Variants in LRP2 observed in about 807,000 individuals in gnomAD.
LRP2 encodes LDL receptor related protein 2.
LRP2 carries 172 observed loss-of-function variants against 531.0 expected under a neutral mutation model. That is an observed-to-expected ratio of 0.32 (90% CI 0.29 to 0.37). The LOEUF (loss-of-function observed/expected upper bound fraction) is 0.37, where lower values mean the gene tolerates loss of function less well. LRP2 is among the 10% of genes least tolerant of loss of function. LRP2 has a pLI of 1.00. For missense variants in LRP2, 5,167 were observed against 5,868.3 expected, an observed-to-expected ratio of 0.88 and a Z score of 3.90; for synonymous variants, 1,992 against 2,027.6, an observed-to-expected ratio of 0.98 and a Z score of 0.47.
At chr2:169,270,066 A>G (rs1683361680) in intron 16 of LRP2, among the ~76,000 whole-genome samples, 1 of 152,236 alleles carries the variant, frequency 6.6e-6, no homozygotes, top group South Asian at 2.1e-4. Context: ...ATACCATCTC[A>G]CACCAGTTAG....
Position 169,237,213 on chromosome 2 carries a change from G to A in LRP2, c.4581C>T (p.Asp1527=), listed in dbSNP as rs754589170. The A allele has an allele frequency of 6.2e-7, 1 of 1,613,678 alleles. No homozygotes were observed. Among genetic ancestry groups the A allele is most frequent in the African/African-American group, 1.3e-5 (1 of 74,906 alleles). The change falls in exon 28 of 79, where the codon GAC becomes GAT. Residue 1527 remains aspartate (D), a synonymous_variant. Transcript: ENST00000649046. ...DWVGRNLYWT[D]YALETIEVSK... ...AGACTTCAATTGTTTCCAGAGCATA[G>A]TCTGTCCAGTAAAGATTACGACCTA... is the stretch of plus-strand genomic sequence containing the variant.
At chr2:169,306,262 A>G (rs1024481379) in intron 4 of LRP2, among the ~76,000 whole-genome samples, 4 of 152,126 alleles carry the variant, frequency 2.6e-5, no homozygotes, top group African/African-American at 9.7e-5. Context: ...GGCCAGACAC[A>G]GTGGCTCATG....
intron 4 of LRP2, among the ~76,000 whole-genome samples, chr2:169,303,065 C>T (rs551354905): frequency 8.6e-5 from 13 of 151,750 alleles, no homozygotes; most frequent in Admixed American, 7.2e-4. Context: ...AGAAATACTT[C>T]AAAATAATGG....
Position 169,246,780 on chromosome 2 carries a change from C to T in LRP2, c.3115G>A (p.Val1039Met), listed in dbSNP as rs370759024. ...CCATCACAGAGATAGTAATTGGGCA[C>T]ACATCTGCCATTTTTACAGGGGAAG... is the stretch of plus-strand genomic sequence containing the variant. ...FSFPCKNGRC[V>M]PNYYLCDGVD... Residue 1039 changes from valine to methionine, a missense_variant, in exon 21 of 79, where the codon GTG (valine) becomes ATG (methionine). By Grantham distance (21) the Val-to-Met change is conservative. Around this residue, in one of 6 missense-constraint regions of LRP2, gnomAD observed 2,811 missense variants for 3,058.0 expected, o/e 0.92. Transcript: ENST00000649046. 3.7e-6 allele frequency: 6 copies of T among 1,614,042 alleles called. No homozygotes were observed. The African/African-American group carries it at 6.7e-5, about 18-fold the overall frequency.
rs878931235 is a variant in LRP2, at chr2:169,205,645, T to C, written c.7557-8A>G. 3 of 1,610,774 alleles carry C rather than the reference T, an allele frequency of 1.9e-6. No individual in the cohort carries two copies. Among genetic ancestry groups the C allele is most frequent in the African/African-American group, 2.7e-5 (2 of 73,960 alleles). On this transcript the variant is annotated splice_region_variant and splice_polypyrimidine_tract_variant and intron_variant, in intron 40 of 78. Transcript: ENST00000649046. ...TCAGCCCAGTACAGGTACCTAGTCATACAAAAGGAGTCAATAATTAATTCA... is the reference window on the plus strand; with the variant it reads ...TCAGCCCAGTACAGGTACCTAGTCACACAAAAGGAGTCAATAATTAATTCA...
intron 1 of LRP2, among the ~76,000 whole-genome samples, chr2:169,330,164 G>A (rs1179007222): frequency 3.9e-5 from 6 of 152,160 alleles, no homozygotes; most frequent in Admixed American, 2.0e-4. Flanking sequence ...CTTGGGGACC[G>A]CTGCCTTAGG....
intron 65 of LRP2, 98 bp downstream of exon 65, chr2:169,156,176 A>G: frequency 6.5e-7 from 1 of 1,534,924 alleles, no homozygotes; most frequent in Non-Finnish European, 8.9e-7. Flanking sequence ...GAAAGAAAAG[A>G]AAAACTATGA....
rs761258144 is a variant in LRP2, at chr2:169,204,007, C to T, written c.7980G>A (p.Gly2660=). 5 of 1,613,990 alleles carry T rather than the reference C, an allele frequency of 3.1e-6. No homozygotes were observed. In the African/African-American group the frequency reaches 6.7e-5, roughly 22 times the overall value. Residue 2660 remains glycine (G), a synonymous_variant, in exon 42 of 79, where the codon GGG becomes GGA. Coordinates refer to ENST00000649046, the MANE Select transcript of LRP2 (RefSeq NM_004525.3). The part of the protein sequence containing the change: ...QCNNPCEQFN[G]GCSHICAPGP... ...CTGGTGCACAGATATGGCTGCAGCC[C>T]CCATTAAACTGTTCACAAGGATTGT...
Position 169,201,696 on chromosome 2 carries a change from G to A in LRP2, c.8384C>T (p.Pro2795Leu). 6.2e-7 allele frequency: 1 copy of A among 1,614,144 alleles called. No homozygotes were observed. Among genetic ancestry groups the A allele is most frequent in the Non-Finnish European group, 8.5e-7 (1 of 1,180,024 alleles). ...EFMCNNRRCI[P>L]REFICNGVDN... ...TACACCATTGCAGATAAACTCACGA[G>A]GTATGCACCTTCTGTTATTGCACAT... Residue 2795 changes from proline to leucine, a missense_variant, in exon 44 of 79, where the codon CCT becomes CTT. Transcript: ENST00000649046.
intron 3 of LRP2, among the ~76,000 whole-genome samples, chr2:169,309,704 T>G (rs932442584): frequency 6.6e-6 from 1 of 152,104 alleles, no homozygotes; most frequent in African/African-American, 2.4e-5. Context: ...CTTGGCAATG[T>G]GGGCTCTTTT....
Position 169,181,478 on chromosome 2 carries a change from T to A in LRP2, c.10139A>T (p.Tyr3380Phe). The A allele has an allele frequency of 6.2e-7, 1 of 1,614,158 alleles. No homozygotes were observed. Among genetic ancestry groups the A allele is most frequent in the South Asian group, 1.1e-5 (1 of 91,086 alleles). ...GTAACCCAGGTGGGCATCTGCCCAG[T>A]AGAGTAGATCATTGGTGTAATCAAT... Reference protein sequence around the residue: ...ITIDYTNDLLYWADAHLGYIE... With the variant: ...ITIDYTNDLLFWADAHLGYIE... Residue 3380 changes from tyrosine to phenylalanine, a missense_variant, in exon 52 of 79, where the codon TAC (tyrosine) becomes TTC (phenylalanine). Tyr to Phe is a conservative substitution (Grantham distance 22). Transcript: ENST00000649046.
At chr2:169,197,809 C>T (rs1688056385) in intron 45 of LRP2, among the ~76,000 whole-genome samples, 1 of 152,316 alleles carries the variant, frequency 6.6e-6, no homozygotes, top group Admixed American at 6.5e-5. Flanking sequence ...CTTCCTTGTG[C>T]TGCTGTTATT....
chr2:169,336,536 TCA>T (rs61573424), intron 1 of LRP2, among the ~76,000 whole-genome samples: 11,532 of 145,528 alleles, frequency 0.079, 1,347 homozygotes, highest in African/African-American at 0.26. Context: ...CAAGACTCCA[TCA>T]CACACACACA....
chr2:169,134,068 T>A (rs1160479163), intron 76 of LRP2, among the ~76,000 whole-genome samples: 1 of 152,174 alleles, frequency 6.6e-6, no homozygotes, highest in Admixed American at 6.5e-5. Context: ...CAACAACTCC[T>A]TTCCTTCCTA....
chr2:169,206,591 T>A lies in LRP2; in HGVS notation c.7129A>T (p.Ser2377Cys). The A allele has an allele frequency of 6.2e-7, 1 of 1,614,138 alleles. No homozygotes were observed. Among genetic ancestry groups the A allele is most frequent in the Non-Finnish European group, 8.5e-7 (1 of 1,180,024 alleles). The change falls in exon 39 of 79, where the codon AGT becomes TGT. Residue 2377 changes from serine to cysteine, a missense_variant. Coordinates refer to ENST00000649046, the MANE Select transcript of LRP2 (RefSeq NM_004525.3). ...KCDCAFGTLQSDGKNCAISTE... is the reference protein window; with the variant it reads ...KCDCAFGTLQCDGKNCAISTE... ...GAAATGGCACAATTCTTGCCATCACTTTGCAGGGTCCCAAAGGCACAGTCA... is the reference window on the plus strand; with the variant it reads ...GAAATGGCACAATTCTTGCCATCACATTGCAGGGTCCCAAAGGCACAGTCA...
chr2:169,297,449 T>C (rs377246428), intron 4 of LRP2, among the ~76,000 whole-genome samples: 1 of 152,292 alleles, frequency 6.6e-6, no homozygotes. Context: ...AAACTCTTCC[T>C]TCTGAATTTG....
At chr2:169,309,547 T>C (rs190626856) in intron 3 of LRP2, among the ~76,000 whole-genome samples, 35 of 152,336 alleles carry the variant, frequency 2.3e-4, no homozygotes, top group Middle Eastern at 3.4e-3. Flanking sequence ...TGTGTGGTAT[T>C]ATTTCTGAGG....
chr2:169,168,621 G>T lies in LRP2; in HGVS notation c.11553C>A (p.Asn3851Lys). The stretch of plus-strand genomic sequence containing the variant: ...TCCAATATGGCGGGATACAAACATG[G>T]TTTTTGCATTCGAACATAGTAGCCT... ...YCQATMFECK[N>K]HVCIPPYWKC... Residue 3851 changes from asparagine (N) to lysine (K), a missense_variant, in exon 61 of 79, where the codon AAC (asparagine) becomes AAA (lysine). This residue lies in a region of LRP2 where 564 missense variants were observed against 747.7 expected (regional missense o/e 0.75). Coordinates refer to ENST00000649046, the MANE Select transcript of LRP2 (RefSeq NM_004525.3). 6.2e-7 allele frequency: 1 copy of T among 1,614,118 alleles called. No individual in the cohort carries two copies. The highest frequency in any genetic ancestry group is 8.5e-7 in the Non-Finnish European group (1 of 1,180,000).
chr2:169,166,608 T>C (rs188026608), intron 61 of LRP2, among the ~76,000 whole-genome samples: 1 of 152,364 alleles, frequency 6.6e-6, no homozygotes, highest in African/African-American at 2.4e-5. Context: ...GAGTCTTTTA[T>C]TGAAGCTTTA....
Sources: allele counts gnomAD v4.1 joint callset (sites outside exome capture counted in the v4.1 genomes callset), GRCh38; gene constraint gnomAD v4.1.1; regional missense constraint gnomAD v4.1.1; transcripts MANE v1.5; gene names NCBI Gene and HGNC (gene_info 2026-07-23, HGNC 2026-07-21).